The following PAM variants were observed in gnomAD, a reference collection of about 807,000 sequenced individuals.
PAM encodes the protein peptidyl-glycine alpha-amidating monooxygenase.
In PAM, 72 loss-of-function variants were observed where a neutral mutation model predicts 122.1. The ratio of observed to expected loss-of-function variants is 0.59; its 90% confidence interval spans 0.49 to 0.72. The LOEUF is 0.72. PAM is among the 30% of genes least tolerant of loss of function. The probability of loss-of-function intolerance (pLI) is 0.00; values close to 1 mark genes in which losing one functional copy is unlikely to be tolerated. For missense variants in PAM, 1,106 were observed against 1,183.7 expected, an observed-to-expected ratio of 0.93 and a Z score of 0.96; for synonymous variants, 389 against 404.4, an observed-to-expected ratio of 0.96 and a Z score of 0.46.
At chr5:102,983,311 G>A (rs1270514888) in intron 15 of PAM, among the ~76,000 whole-genome samples, 2 of 151,610 alleles carry the variant, frequency 1.3e-5, no homozygotes, top group African/African-American at 2.4e-5. Context: ...CTAGCCAGAC[G>A]GGGTGGCGTG....
chr5:102,989,799 G>GATAGATAGATAGATAA (rs1195854730), intron 15 of PAM: 1 of 149,448 alleles, frequency 6.7e-6, no homozygotes, highest in African/African-American at 2.5e-5. Flanking sequence ...TGATAGATTA[G>GATAGATAGATAGATAA]ATAGATAGAT....
intron 3 of PAM, among the ~76,000 whole-genome samples, chr5:102,883,326 T>C (rs1205422883): frequency 6.6e-6 from 1 of 152,098 alleles, no homozygotes; most frequent in Non-Finnish European, 1.5e-5. Flanking sequence ...TTCACAATGT[T>C]GATTCTACCC....
intron 7 of PAM, among the ~76,000 whole-genome samples, chr5:102,940,895 C>T (rs1349010799): frequency 6.6e-6 from 1 of 151,980 alleles, no homozygotes; most frequent in African/African-American, 2.4e-5. Context: ...GTGCACTTTT[C>T]TGTGTATCAG....
chr5:102,988,699 GAGAA>G (rs1362630792), intron 15 of PAM, among the ~76,000 whole-genome samples: 17 of 131,200 alleles, frequency 1.3e-4, no homozygotes, highest in Non-Finnish European at 2.5e-4. Flanking sequence ...AGGAAAGAAA[GAGAA>G]AGAGAAAGAA....
chr5:102,827,159 G>A (rs1035573509), intron 1 of PAM, among the ~76,000 whole-genome samples: 3 of 152,152 alleles, frequency 2.0e-5, no homozygotes, highest in African/African-American at 7.2e-5. Flanking sequence ...TATTTCCCTG[G>A]ATGGACAATA....
intron 1 of PAM, among the ~76,000 whole-genome samples, chr5:102,825,898 G>T (rs534823408): frequency 6.6e-6 from 1 of 152,274 alleles, no homozygotes; most frequent in Admixed American, 6.5e-5. Flanking sequence ...AGTATTATGA[G>T]AAATAAATGA....
chr5:102,957,265 C>T (rs1761045163), intron 12 of PAM, among the ~76,000 whole-genome samples: 1 of 152,106 alleles, frequency 6.6e-6, no homozygotes, highest in East Asian at 1.9e-4. Context: ...ACAATACTAG[C>T]ATTTTGTTTC....
intron 3 of PAM, among the ~76,000 whole-genome samples, chr5:102,881,890 CATCCTCATAGCT>C (rs2151140007): frequency 6.9e-6 from 1 of 144,926 alleles, no homozygotes; most frequent in East Asian, 2.0e-4. Flanking sequence ...TATGCCTTTG[CATCCTCATAGCT>C]TAACTCCCAA....
At chr5:102,983,545 C>A (rs1179458414) in intron 15 of PAM, among the ~76,000 whole-genome samples, 1 of 151,064 alleles carries the variant, frequency 6.6e-6, no homozygotes, top group Non-Finnish European at 1.5e-5. Flanking sequence ...GTAAACTGAC[C>A]AAATATCCTA....
intron 1 of PAM, among the ~76,000 whole-genome samples, chr5:102,824,159 A>T (rs1018992326): frequency 3.9e-5 from 6 of 152,208 alleles, no homozygotes; most frequent in Non-Finnish European, 7.3e-5. Flanking sequence ...CATCTGGAAG[A>T]AGAGCTATTG....
intron 16 of PAM, among the ~76,000 whole-genome samples, chr5:102,991,927 C>T (rs1269051176): frequency 1.3e-5 from 2 of 152,130 alleles, no homozygotes; most frequent in Admixed American, 6.6e-5. Flanking sequence ...AAAATTACAG[C>T]ATCATTTTCT....
intron 5 of PAM, among the ~76,000 whole-genome samples, chr5:102,919,828 G>A (rs978631812): frequency 1.3e-5 from 2 of 151,980 alleles, no homozygotes; most frequent in African/African-American, 2.4e-5. Context: ...ATGTTCCTTG[G>A]CTAATAATAT....
At chr5:102,865,533 G>T (rs1785279974) in intron 1 of PAM, 2 of 152,466 alleles carry the variant, frequency 1.3e-5, no homozygotes, top group South Asian at 4.1e-4. Flanking sequence ...TCAGACTGGG[G>T]TGGCTGTGAG....
At chr5:102,792,628 T>C (rs1762326209) in intron 1 of PAM, among the ~76,000 whole-genome samples, 1 of 152,220 alleles carries the variant, frequency 6.6e-6, no homozygotes, top group Non-Finnish European at 1.5e-5. Flanking sequence ...GAAAGGCTGA[T>C]GACAAATTTA....
chr5:102,761,357 T>A (rs903143364), intron 1 of PAM, among the ~76,000 whole-genome samples: 2 of 152,160 alleles, frequency 1.3e-5, no homozygotes, highest in African/African-American at 4.8e-5. Flanking sequence ...GGGCCACAAG[T>A]ACTGGGAAGC....
chr5:102,996,959 G>A (rs1775878157), intron 16 of PAM, among the ~76,000 whole-genome samples: 2 of 151,846 alleles, frequency 1.3e-5, no homozygotes, highest in Admixed American at 1.3e-4. Flanking sequence ...GTTTTTGAGG[G>A]GTGGTAGTTA....
chr5:102,866,889 T>G (rs763831124), intron 2 of PAM, among the ~76,000 whole-genome samples: 1 of 152,168 alleles, frequency 6.6e-6, no homozygotes. Flanking sequence ...CATTAGAAAA[T>G]TGGCATGCCT....
intron 14 of PAM, among the ~76,000 whole-genome samples, chr5:102,969,092 G>A (rs1286678064): frequency 2.0e-5 from 3 of 151,728 alleles, no homozygotes; most frequent in African/African-American, 7.3e-5. Context: ...CTGTCGGGGG[G>A]TAGGGGGCTA....
At chr5:102,860,206 A>C (rs1783787445) in intron 1 of PAM, among the ~76,000 whole-genome samples, 1 of 151,948 alleles carries the variant, frequency 6.6e-6, no homozygotes, top group Admixed American at 6.6e-5. Flanking sequence ...CATATTAGGT[A>C]AGGAGGCATC....
Sources: gnomAD v4.1 joint callset for allele counts (sites outside exome capture counted in the v4.1 genomes callset) on GRCh38, gnomAD v4.1.1 for gene constraint, MANE v1.5 for transcripts, NCBI Gene and HGNC (gene_info 2026-07-23, HGNC 2026-07-21) for gene names.